EFNA5: variants seen among roughly 807,000 people sequenced by gnomAD.
EFNA5 encodes the protein ephrin A5, also known as ephrin-A5.
A neutral mutation model predicts 22.9 loss-of-function variants in EFNA5; 5 were observed. The ratio of observed to expected loss-of-function variants is 0.22; its 90% CI spans 0.11 to 0.46. The LOEUF (loss-of-function observed/expected upper bound fraction) is 0.46, where lower values mean the gene tolerates loss of function less well. EFNA5 is among the 20% of genes least tolerant of loss of function. The pLI, the probability that EFNA5 is intolerant of heterozygous loss-of-function variation, is 0.99. For synonymous variants in EFNA5, 113 were observed against 112.2 expected (o/e 1.01, Z -0.04); for missense variants, 237 against 293.3 (o/e 0.81, Z 1.40).
intron 4 of EFNA5, 67 bp from the exon 5 acceptor site, chr5:107,381,443 T>C: frequency 6.5e-7 from 1 of 1,535,268 alleles, no homozygotes; most frequent in Non-Finnish European, 8.8e-7. Context: ...TGCAGCAGCC[T>C]GCTGTTAACA....
chr5:107,448,866 T>TAAATAAATTA, intron 1 of EFNA5, among the ~76,000 whole-genome samples: 1 of 141,318 alleles, frequency 7.1e-6, no homozygotes, highest in South Asian at 2.3e-4. Context: ...AATAAATAAA[T>TAAATAAATTA]AAATAAAATA....
intron 1 of EFNA5, among the ~76,000 whole-genome samples, chr5:107,600,918 A>G (rs1448247433): frequency 1.3e-5 from 2 of 152,206 alleles, no homozygotes; most frequent in Admixed American, 6.5e-5. Context: ...CTTGATTAAG[A>G]TACAGAAAAG....
chr5:107,449,967 C>T (rs1749514900), intron 1 of EFNA5, among the ~76,000 whole-genome samples: 1 of 152,156 alleles, frequency 6.6e-6, no homozygotes, highest in Admixed American at 6.6e-5. Flanking sequence ...CCTTTTGGTT[C>T]TGATGAAGGA....
intron 1 of EFNA5, among the ~76,000 whole-genome samples, chr5:107,476,840 C>T (rs1750325750): frequency 6.6e-6 from 1 of 151,708 alleles, no homozygotes; most frequent in South Asian, 2.1e-4. Context: ...ACCCTGACTC[C>T]TTGATGAAAT....
intron 1 of EFNA5, among the ~76,000 whole-genome samples, chr5:107,656,702 A>G (rs1750832662): frequency 6.6e-6 from 1 of 152,084 alleles, no homozygotes; most frequent in South Asian, 2.1e-4. Flanking sequence ...AAGTCCTGCC[A>G]CATATACACA....
intron 2 of EFNA5, among the ~76,000 whole-genome samples, chr5:107,420,607 T>A (rs987198469): frequency 2.0e-5 from 3 of 151,898 alleles, no homozygotes; most frequent in African/African-American, 7.2e-5. Flanking sequence ...TGCTTTGATG[T>A]TATGTATTCC....
intron 1 of EFNA5, among the ~76,000 whole-genome samples, chr5:107,592,228 T>C (rs757633717): frequency 2.0e-5 from 3 of 149,036 alleles, no homozygotes; most frequent in Non-Finnish European, 3.0e-5. Context: ...TTACTTTTTG[T>C]ACTATAAATT....
intron 2 of EFNA5, among the ~76,000 whole-genome samples, chr5:107,415,944 A>G (rs1748493744): frequency 6.6e-6 from 1 of 152,218 alleles, no homozygotes; most frequent in African/African-American, 2.4e-5. Flanking sequence ...TAGGCTTTGC[A>G]ATATATCCAC....
Position 107,670,672 on chromosome 5 carries a change from GGAGGGAGGGAGGCAGGCAAAGGGACA to G in EFNA5, c.-85_-60del, listed in dbSNP as rs1410455242. ...CACTCCGGGGAGAGAGCGGGGATCC[GGAGGGAGGGAGGCAGGCAAAGGGACA>G]GAGAGAGAGCGGGCGCCAAATAAAT... On this transcript the variant is annotated 5_prime_UTR_variant, in exon 1 of 5. Transcript: ENST00000333274. 6.4e-7 allele frequency: 1 copy of G among 1,567,456 alleles called. No homozygotes were observed. The highest frequency in any genetic ancestry group is 8.6e-7 in the Non-Finnish European group (1 of 1,157,504).
intron 1 of EFNA5, among the ~76,000 whole-genome samples, chr5:107,522,105 A>G (rs1177714012): frequency 1.3e-5 from 2 of 152,234 alleles, no homozygotes; most frequent in Admixed American, 1.3e-4. Context: ...TCCATGAAGC[A>G]GCTGTATTTC....
intron 1 of EFNA5, among the ~76,000 whole-genome samples, chr5:107,562,266 T>C (rs1197607343): frequency 6.6e-6 from 1 of 152,174 alleles, no homozygotes; most frequent in Non-Finnish European, 1.5e-5. Flanking sequence ...ACCAAATTAA[T>C]ACCAGTGAAG....
At chr5:107,458,431 A>C (rs758303791) in intron 1 of EFNA5, among the ~76,000 whole-genome samples, 6 of 152,030 alleles carry the variant, frequency 3.9e-5, no homozygotes, top group Non-Finnish European at 8.8e-5. Context: ...CTTGGAGATA[A>C]GAAAAGGCTT....
intron 1 of EFNA5, among the ~76,000 whole-genome samples, chr5:107,512,369 A>G (rs2112435336): frequency 9.2e-6 from 1 of 108,948 alleles, no homozygotes; most frequent in East Asian, 2.1e-4. Flanking sequence ...AAACAAAACA[A>G]CAACAACAAC....
intron 1 of EFNA5, among the ~76,000 whole-genome samples, chr5:107,429,551 C>T (rs1168828690): frequency 2.0e-5 from 3 of 152,200 alleles, no homozygotes; most frequent in African/African-American, 7.2e-5. Context: ...AAAGTAGAGA[C>T]ACCATTCATT....
At chr5:107,584,188 A>G (rs574247773) in intron 1 of EFNA5, among the ~76,000 whole-genome samples, 1 of 151,828 alleles carries the variant, frequency 6.6e-6, no homozygotes, top group African/African-American at 2.4e-5. Flanking sequence ...AATCTACAAA[A>G]CAGAACTTTG....
chr5:107,392,265 C>T (rs571289560), intron 2 of EFNA5, among the ~76,000 whole-genome samples: 2 of 152,190 alleles, frequency 1.3e-5, no homozygotes, highest in South Asian at 2.1e-4. Flanking sequence ...TATTAACTTG[C>T]TTCTAAAGAG....
chr5:107,433,929 A>G (rs1490599584), intron 1 of EFNA5, among the ~76,000 whole-genome samples: 1 of 151,846 alleles, frequency 6.6e-6, no homozygotes, highest in Non-Finnish European at 1.5e-5. Context: ...TGCTCCCTGT[A>G]CTGAACCTAT....
chr5:107,548,322 C>T (rs1748215007), intron 1 of EFNA5, among the ~76,000 whole-genome samples: 1 of 152,174 alleles, frequency 6.6e-6, no homozygotes, highest in African/African-American at 2.4e-5. Flanking sequence ...AACAATCTCT[C>T]CCCCTTTCAC....
intron 1 of EFNA5, among the ~76,000 whole-genome samples, chr5:107,603,231 G>A (rs1203758590): frequency 2.0e-5 from 3 of 152,172 alleles, no homozygotes; most frequent in African/African-American, 7.2e-5. Context: ...GAAGGTTGTA[G>A]TTCAAGGTGC....
Sources: gnomAD v4.1 joint callset for allele counts (sites outside exome capture counted in the v4.1 genomes callset) on GRCh38, gnomAD v4.1.1 for gene constraint, MANE v1.5 for transcripts, NCBI Gene and HGNC (gene_info 2026-07-23, HGNC 2026-07-21) for gene names.